Variants in CAMK4 observed in about 807,000 individuals in gnomAD.
CAMK4 encodes calcium/calmodulin dependent protein kinase IV, also known as calcium/calmodulin-dependent protein kinase type IV.
In CAMK4, 22 loss-of-function variants were observed where a neutral mutation model predicts 44.9. The observed-to-expected ratio is 0.49, with a 90% confidence interval of 0.35 to 0.70. The LOEUF (loss-of-function observed/expected upper bound fraction) is 0.70. CAMK4 is among the 30% of genes least tolerant of loss of function. The probability of loss-of-function intolerance (pLI) is 0.01; values close to 1 mark genes in which losing one functional copy is unlikely to be tolerated. For synonymous variants in CAMK4, 218 were observed against 215.4 expected, an observed-to-expected ratio of 1.01 and a Z score of -0.11; for missense variants, 498 against 586.8, an observed-to-expected ratio of 0.85 and a Z score of 1.56.
At chr5:111,255,873 G>C (rs1003835252) in intron 1 of CAMK4, among the ~76,000 whole-genome samples, 1 of 152,190 alleles carries the variant, frequency 6.6e-6, no homozygotes, top group Non-Finnish European at 1.5e-5. Flanking sequence ...TTTTGGATAT[G>C]TGAGTAATGG....
At chr5:111,430,820 A>C (rs550164350) in intron 5 of CAMK4, among the ~76,000 whole-genome samples, 11 of 152,202 alleles carry the variant, frequency 7.2e-5, no homozygotes, top group Non-Finnish European at 1.3e-4. Context: ...AAGAAATGGA[A>C]AAGTATTTCA....
chr5:111,277,224 A>G (rs187135190), intron 1 of CAMK4, among the ~76,000 whole-genome samples: 22 of 152,358 alleles, frequency 1.4e-4, no homozygotes, highest in Admixed American at 1.1e-3. Flanking sequence ...TGAGATGTCA[A>G]CTGTGGTTTT....
At position 111,322,771 on chromosome 5, in the gene CAMK4, G is replaced by A. The variant is rs1580588283; in HGVS notation, c.162-21253G>A. Among the ~76,000 whole-genome samples, 3 of 152,088 alleles carry A rather than the reference G, an allele frequency of 2.0e-5. No individual in the cohort carries two copies. The East Asian group carries it at 5.8e-4, about 29-fold the overall frequency. On this transcript the variant is annotated intron_variant, in intron 1 of 10. Coordinates refer to ENST00000282356, the MANE Select transcript of CAMK4 (RefSeq NM_001744.6). The stretch of plus-strand genomic sequence containing the variant: ...TTCAAGAACATGAAGCAAAATATGG[G>A]CATAATAAACATAGAGAATGTTTCA...
At chr5:111,352,697 G>T (rs866226196) in intron 2 of CAMK4, among the ~76,000 whole-genome samples, 2 of 151,600 alleles carry the variant, frequency 1.3e-5, no homozygotes, top group Middle Eastern at 6.8e-3. Flanking sequence ...GAGGGGGAAA[G>T]AGAGAGAAAG....
At chr5:111,396,631 CTTTTTTTTTTTTTTTT>C (rs540495109) in intron 5 of CAMK4, among the ~76,000 whole-genome samples, 3 of 47,012 alleles carry the variant, frequency 6.4e-5, no homozygotes, top group African/African-American at 8.7e-5. Flanking sequence ...AACTCATATT[CTTTTTTTTTTTTTTTT>C]TTTTTTTTTT....
At chr5:111,273,383 T>C (rs1262214315) in intron 1 of CAMK4, among the ~76,000 whole-genome samples, 6 of 151,908 alleles carry the variant, frequency 3.9e-5, no homozygotes, top group Non-Finnish European at 7.4e-5. Context: ...ATTATACTCA[T>C]GAACAATTTA....
At position 111,309,195 on chromosome 5, in the gene CAMK4, C is replaced by G. The variant is rs570750261; in HGVS notation, c.162-34829C>G. 2.0e-5 allele frequency among the ~76,000 whole-genome samples: 3 copies of G among 152,316 alleles called. No homozygotes were observed. The East Asian group carries it at 5.8e-4, about 29-fold the overall frequency. ...GCTTAACAATTGTTGTGCTTTGCAA[C>G]TTGAGACTATTCATTGTCAGTAAGC... On this transcript the variant is annotated intron_variant, in intron 1 of 10. Coordinates refer to ENST00000282356, the MANE Select transcript of CAMK4 (RefSeq NM_001744.6).
rs59699712 is a variant in CAMK4, at chr5:111,267,703, CAAAAAAAAAAAAA to C, written c.161+43072_161+43084del. 5.2e-4 allele frequency among the ~76,000 whole-genome samples: 37 copies of C among 71,738 alleles called. 1 individual carries two copies. Among genetic ancestry groups the C allele is most frequent in the South Asian group, 5.8e-4 (1 of 1,726 alleles). 47.1% of individuals were successfully genotyped at this position (71,738 alleles called of 152,430 possible). A position where few individuals can be genotyped will look rare whatever the true frequency, so the allele number is the denominator to read the frequency against. On this transcript the variant is annotated intron_variant, in intron 1 of 10. Transcript: ENST00000282356. ...TGGGCGACAGAACGAGACTCCGTCTCAAAAAAAAAAAAAAAAAAAAAAAAAGAATCTTCATTCT... is the reference window on the plus strand; with the variant it reads ...TGGGCGACAGAACGAGACTCCGTCTCAAAAAAAAAAAAGAATCTTCATTCT...
chr5:111,428,224 G>A (rs965231223), intron 5 of CAMK4, among the ~76,000 whole-genome samples: 5 of 152,208 alleles, frequency 3.3e-5, no homozygotes, highest in East Asian at 1.9e-4. Context: ...ACTACACCAC[G>A]TCCTTTCAAA....
At chr5:111,457,679 A>G (rs1754467045) in intron 7 of CAMK4, among the ~76,000 whole-genome samples, 2 of 152,266 alleles carry the variant, frequency 1.3e-5, no homozygotes, top group South Asian at 4.1e-4. Context: ...ATGAACACAT[A>G]TGAAAAATGT....
intron 5 of CAMK4, among the ~76,000 whole-genome samples, chr5:111,417,716 A>C (rs1190459544): frequency 3.3e-5 from 5 of 152,150 alleles, no homozygotes; most frequent in Non-Finnish European, 5.9e-5. Flanking sequence ...TGATTATAGG[A>C]AATTTCCAGA....
intron 7 of CAMK4, among the ~76,000 whole-genome samples, chr5:111,469,173 ATATATAT>A (rs1457876238): frequency 1.2e-3 from 26 of 21,796 alleles, no homozygotes; most frequent in African/African-American, 4.4e-3. Flanking sequence ...AAAAAAAAAA[ATATATAT>A]ATATATATAT....
At chr5:111,249,253 C>T (rs868475171) in intron 1 of CAMK4, among the ~76,000 whole-genome samples, 1 of 152,168 alleles carries the variant, frequency 6.6e-6, no homozygotes, top group South Asian at 2.1e-4. Context: ...AAACCCAGCC[C>T]TGTAAAACTT....
intron 1 of CAMK4, among the ~76,000 whole-genome samples, chr5:111,298,114 G>A (rs1245871122): frequency 1.3e-5 from 2 of 152,082 alleles, no homozygotes; most frequent in African/African-American, 4.8e-5. Context: ...TGTACACTGA[G>A]AACATTTTAT....
chr5:111,356,862 A>G (rs1750380027), intron 2 of CAMK4, among the ~76,000 whole-genome samples: 1 of 152,010 alleles, frequency 6.6e-6, no homozygotes, highest in Admixed American at 6.6e-5. Flanking sequence ...TTCTCATTAT[A>G]TCAATCTCGT....
In CAMK4 at chr5:111,321,294, G is replaced by T. The variant is rs141624332; in HGVS notation, c.162-22730G>T. Among the ~76,000 whole-genome samples, 250 of 152,270 alleles carry T rather than the reference G, an allele frequency of 1.6e-3. 2 individuals carry two copies. Among genetic ancestry groups the T allele is most frequent in the African/African-American group, 5.5e-3 (230 of 41,562 alleles). Reference sequence around the variant, plus strand: ...GGAGTTAGTGTTGCTGTATTCAAGAGAAGCTGGAAATCTGAATTTTGGTGA... The same window carrying T: ...GGAGTTAGTGTTGCTGTATTCAAGATAAGCTGGAAATCTGAATTTTGGTGA... On this transcript the variant is annotated intron_variant, in intron 1 of 10. Transcript: ENST00000282356.
chr5:111,312,540 A>T (rs901577348), intron 1 of CAMK4, among the ~76,000 whole-genome samples: 1 of 152,128 alleles, frequency 6.6e-6, no homozygotes, highest in Non-Finnish European at 1.5e-5. Flanking sequence ...GTTTTTTAGG[A>T]TTCCAGCAGA....
intron 6 of CAMK4, among the ~76,000 whole-genome samples, chr5:111,448,296 T>G (rs1040743843): frequency 2.0e-5 from 3 of 152,222 alleles, no homozygotes; most frequent in African/African-American, 7.2e-5. Flanking sequence ...TGAAATACAT[T>G]GGAGACTGAA....
intron 5 of CAMK4, among the ~76,000 whole-genome samples, chr5:111,415,774 T>C (rs551437826): frequency 1.1e-4 from 17 of 152,140 alleles, no homozygotes; most frequent in Non-Finnish European, 8.8e-5. Flanking sequence ...AATCTCTAGG[T>C]TCCACATCCA....
Sources: allele counts gnomAD v4.1 joint callset (sites outside exome capture counted in the v4.1 genomes callset), GRCh38; gene constraint gnomAD v4.1.1; transcripts MANE v1.5; gene names NCBI Gene and HGNC (gene_info 2026-07-23, HGNC 2026-07-21).